Variants in FRYL observed in about 807,000 individuals in gnomAD.
The protein encoded by FRYL is protein furry homolog-like.
In FRYL, 150 loss-of-function variants were observed where a neutral mutation model predicts 351.2. That is an observed-to-expected ratio of 0.43 (90% CI 0.37 to 0.49). The LOEUF (loss-of-function observed/expected upper bound fraction) is 0.49. Ranked by LOEUF, FRYL falls within the 20% of genes least tolerant of loss-of-function variation. The pLI is 0.00. For synonymous variants in FRYL, 1,153 were observed against 1,257.1 expected (o/e 0.92, Z 1.75); for missense variants, 3,036 against 3,619.3 (o/e 0.84, Z 4.13).
At chr4:48,614,630 G>A (rs1218508594) in intron 7 of FRYL, among the ~76,000 whole-genome samples, 2 of 130,272 alleles carry the variant, frequency 1.5e-5, no homozygotes, top group Middle Eastern at 4.7e-3. Flanking sequence ...GCTGAGGCAG[G>A]AGAACTGCTT....
At chr4:48,612,497 C>CGTGTGTGTGTGTGTGT (rs10657991) in intron 7 of FRYL, among the ~76,000 whole-genome samples, 7 of 149,966 alleles carry the variant, frequency 4.7e-5, no homozygotes, top group Admixed American at 4.6e-4. Flanking sequence ...TGTGTGTGCA[C>CGTGTGTGTGTGTGTGT]GTGTGTGTGT....
intron 43 of FRYL, 105 bp downstream of exon 43, chr4:48,544,677 CT>C: frequency 1.1e-6 from 1 of 874,150 alleles, no homozygotes; most frequent in Non-Finnish European, 1.7e-6. Flanking sequence ...AAGTCTAAAA[CT>C]TTTAGAGGTA....
At chr4:48,585,198 T>C (rs1265440879) in intron 19 of FRYL, among the ~76,000 whole-genome samples, 3 of 152,224 alleles carry the variant, frequency 2.0e-5, no homozygotes, top group African/African-American at 4.8e-5. Context: ...AAATAATTAA[T>C]GTTTCTTATT....
intron 55 of FRYL, among the ~76,000 whole-genome samples, chr4:48,517,998 A>G (rs923731812): frequency 2.0e-5 from 3 of 152,230 alleles, no homozygotes; most frequent in African/African-American, 7.2e-5. Context: ...ACTATTTGGC[A>G]AAACAGAGAA....
Position 48,497,414 on chromosome 4 carries a change from TAAAC to T in FRYL, c.*2004_*2007del, listed in dbSNP as rs1409285565. 6.6e-6 allele frequency: 1 copy of T among 152,554 alleles called. No individual in the cohort carries two copies. The highest frequency in any genetic ancestry group is 2.4e-5 in the African/African-American group (1 of 41,456). The allele number at this position is 152,554 out of a possible 1,614,324, so 9.5% of individuals were successfully genotyped here. On this transcript the variant is annotated 3_prime_UTR_variant, in exon 64 of 64. Coordinates refer to ENST00000358350, the MANE Select transcript of FRYL (RefSeq NM_015030.2). ...ATTAATAGACTTAGTTACATATAAA[TAAAC>T]ACAAAAAGCAAATATCAACTGAAAG...
chr4:48,738,732 C>T (rs970916356), intron 1 of FRYL, among the ~76,000 whole-genome samples: 1 of 150,868 alleles, frequency 6.6e-6, no homozygotes, highest in Admixed American at 6.6e-5. Flanking sequence ...CTTTTAACTC[C>T]TGGCCTCAAG....
intron 2 of FRYL, among the ~76,000 whole-genome samples, chr4:48,708,435 C>T (rs1767629251): frequency 6.6e-6 from 1 of 152,124 alleles, no homozygotes; most frequent in South Asian, 2.1e-4. Flanking sequence ...CCACTGCACT[C>T]CAGCCTGGGT....
intron 1 of FRYL, among the ~76,000 whole-genome samples, chr4:48,779,275 G>A (rs976898345): frequency 2.0e-5 from 3 of 152,208 alleles, no homozygotes; most frequent in Non-Finnish European, 4.4e-5. Context: ...CAGGCACCCT[G>A]CCCGGTGCCG....
At chr4:48,660,140 T>A (rs891574389) in intron 3 of FRYL, among the ~76,000 whole-genome samples, 1 of 151,858 alleles carries the variant, frequency 6.6e-6, no homozygotes, top group Non-Finnish European at 1.5e-5. Context: ...CAATGTGGTA[T>A]GTCAGATACA....
chr4:48,512,364 A>C, intron 57 of FRYL, 117 bp downstream of exon 57: 1 of 793,586 alleles, frequency 1.3e-6, no homozygotes, highest in Non-Finnish European at 2.0e-6. Flanking sequence ...GCTTAGAAAA[A>C]AAAAATTTGT....
chr4:48,671,877 A>AAAAAAAAAAAAAAAAG (rs1762805821), intron 3 of FRYL, among the ~76,000 whole-genome samples: 2 of 147,298 alleles, frequency 1.4e-5, no homozygotes, highest in African/African-American at 2.5e-5. Flanking sequence ...AAAAAACAAA[A>AAAAAAAAAAAAAAAAG]AAAAAAAAAA....
At chr4:48,590,256 G>A (rs757780864) in intron 17 of FRYL, among the ~76,000 whole-genome samples, 11 of 152,170 alleles carry the variant, frequency 7.2e-5, no homozygotes, top group Non-Finnish European at 1.6e-4. Context: ...GCTGAGGCGA[G>A]TGAAATCACT....
Position 48,589,807 on chromosome 4 carries a change from A to G in FRYL, c.1578T>C (p.Val526=). ...DSILRHLDKE[V]GRPMCMTSVQ... ...CACTGGTCATACACATTGGTCTCCCAACTTCTTTGTCCAAATGTCTGAGGA... is the reference window on the plus strand; with the variant it reads ...CACTGGTCATACACATTGGTCTCCCGACTTCTTTGTCCAAATGTCTGAGGA... Residue 526 remains valine (V), a synonymous_variant, in exon 18 of 64, where the codon GTT becomes GTC. Coordinates refer to ENST00000358350, the MANE Select transcript of FRYL (RefSeq NM_015030.2). 2 of 1,613,846 alleles carry G rather than the reference A, an allele frequency of 1.2e-6. No individual in the cohort carries two copies. Among genetic ancestry groups the G allele is most frequent in the Non-Finnish European group, 1.7e-6 (2 of 1,179,752 alleles).
chr4:48,563,541 C>T (rs919896896), intron 31 of FRYL, among the ~76,000 whole-genome samples: 7 of 151,742 alleles, frequency 4.6e-5, no homozygotes, highest in African/African-American at 1.7e-4. Context: ...GAGACCTCGT[C>T]GCTACAAAGA....
At chr4:48,592,731 C>T (rs916207755) in intron 16 of FRYL, among the ~76,000 whole-genome samples, 1 of 151,980 alleles carries the variant, frequency 6.6e-6, no homozygotes, top group African/African-American at 2.4e-5. Context: ...ATACATGTAC[C>T]CCCAACAAGT....
intron 3 of FRYL, among the ~76,000 whole-genome samples, chr4:48,646,881 C>A (rs1426936226): frequency 6.6e-6 from 1 of 151,938 alleles, no homozygotes; most frequent in Non-Finnish European, 1.5e-5. Flanking sequence ...GTAAAAAGCA[C>A]CAGGGAGGTC....
intron 27 of FRYL, among the ~76,000 whole-genome samples, chr4:48,570,294 C>A (rs552690364): frequency 2.0e-5 from 3 of 152,096 alleles, no homozygotes; most frequent in East Asian, 1.9e-4. Flanking sequence ...GCCTTTACTG[C>A]GGCAATATCT....
intron 19 of FRYL, among the ~76,000 whole-genome samples, chr4:48,583,352 C>T (rs899224355): frequency 1.3e-5 from 2 of 152,000 alleles, no homozygotes; most frequent in Non-Finnish European, 2.9e-5. Flanking sequence ...GGGGTTTCAC[C>T]GTCTTAGCCA....
chr4:48,626,193 G>A (rs1578408803), intron 4 of FRYL, among the ~76,000 whole-genome samples: 1 of 152,058 alleles, frequency 6.6e-6, no homozygotes, highest in East Asian at 1.9e-4. Context: ...ATGGAGAAGT[G>A]AGGTGGTTTA....
Sources: gnomAD v4.1 joint callset for allele counts (sites outside exome capture counted in the v4.1 genomes callset) on GRCh38, gnomAD v4.1.1 for gene constraint, MANE v1.5 for transcripts, NCBI Gene and HGNC (gene_info 2026-07-23, HGNC 2026-07-21) for gene names.